Variants in HELZ observed in about 807,000 individuals in gnomAD.
HELZ encodes ATP-dependent RNA helicase with zinc finger domain.
In HELZ, 23 loss-of-function variants were observed where a neutral mutation model predicts 218.2. The observed-to-expected ratio is 0.11, with a 90% CI of 0.08 to 0.15. The LOEUF is 0.15. Among genes scored for constraint, HELZ ranks in the 10% least tolerant of loss-of-function variants. The pLI, the probability that HELZ is intolerant of heterozygous loss-of-function variation, is 1.00. For synonymous variants in HELZ, 814 were observed against 829.4 expected, an observed-to-expected ratio of 0.98 and a Z score of 0.32; for missense variants, 1,813 against 2,353.7, an observed-to-expected ratio of 0.77 and a Z score of 4.75.
chr17:67,095,806 A>G (rs995041127), intron 31 of HELZ, among the ~76,000 whole-genome samples: 2 of 152,206 alleles, frequency 1.3e-5, no homozygotes, highest in Non-Finnish European at 2.9e-5. Flanking sequence ...TTAGCAATAC[A>G]GTATATATTT....
chr17:67,111,068 A>G (rs1363562008), intron 28 of HELZ, among the ~76,000 whole-genome samples: 2 of 152,238 alleles, frequency 1.3e-5, no homozygotes, highest in African/African-American at 2.4e-5. Context: ...AAGGAAAAGT[A>G]TGGCAGATTC....
chr17:67,100,860 G>T (rs2036903714), intron 31 of HELZ, among the ~76,000 whole-genome samples: 1 of 152,086 alleles, frequency 6.6e-6, no homozygotes, highest in Admixed American at 6.6e-5. Flanking sequence ...CAGCACTTTG[G>T]GAGGCTGAGG....
chr17:67,128,200 CA>C (rs2037863655), intron 24 of HELZ, among the ~76,000 whole-genome samples: 1 of 152,168 alleles, frequency 6.6e-6, no homozygotes, highest in African/African-American at 2.4e-5. Context: ...TTTACTCTGT[CA>C]AATACCACCT....
chr17:67,222,150 C>G (rs2040764338), intron 3 of HELZ, among the ~76,000 whole-genome samples: 1 of 152,184 alleles, frequency 6.6e-6, no homozygotes, highest in Admixed American at 6.5e-5. Flanking sequence ...CTACATAAAG[C>G]TGAAATCACT....
intron 31 of HELZ, among the ~76,000 whole-genome samples, chr17:67,094,697 G>A (rs1387047227): frequency 6.6e-6 from 1 of 152,152 alleles, no homozygotes; most frequent in Non-Finnish European, 1.5e-5. Flanking sequence ...GGCTGAAGAG[G>A]GAGGATCATT....
intron 31 of HELZ, among the ~76,000 whole-genome samples, chr17:67,096,753 G>A (rs1047747884): frequency 5.9e-5 from 9 of 152,178 alleles, no homozygotes; most frequent in Admixed American, 2.6e-4. Flanking sequence ...TGGCTGGTTT[G>A]ATCTTCTAAC....
chr17:67,239,717 T>C (rs1343191583), intron 2 of HELZ: 3 of 152,246 alleles, frequency 2.0e-5, no homozygotes, highest in East Asian at 1.9e-4. Flanking sequence ...TGTGTGACCT[T>C]GAGCAACTCA....
intron 13 of HELZ, among the ~76,000 whole-genome samples, chr17:67,171,923 C>T (rs1834431919): frequency 6.6e-6 from 1 of 152,068 alleles, no homozygotes; most frequent in South Asian, 2.1e-4. Context: ...CCTCCACCTC[C>T]CGGGTTCAAG....
At chr17:67,154,299 T>G (rs2038774978) in intron 17 of HELZ, among the ~76,000 whole-genome samples, 1 of 152,050 alleles carries the variant, frequency 6.6e-6, no homozygotes, top group East Asian at 1.9e-4. Flanking sequence ...ATGGTGGCAA[T>G]GCACCTGTAG....
At chr17:67,128,437 G>A (rs9898605) in intron 24 of HELZ, 191,482 of 561,326 alleles carry the variant, frequency 0.34, 37,079 homozygotes, top group East Asian at 0.68. Context: ...ATTAAAAATT[G>A]TTTGAGAATG....
chr17:67,151,124 C>T lies in HELZ; in HGVS notation c.2278G>A (p.Glu760Lys). The stretch of plus-strand genomic sequence containing the variant: ...ACCACTCGATGTTTAAGAATATCTT[C>T]TTTCTGGGGCATCTGAAAGGTGGAA... ...AHSTFQMPQK[E>K]DILKHRVVVV... is the part of the protein sequence containing the mutation. Residue 760 changes from glutamate to lysine, a missense_variant, in exon 18 of 33, where the codon GAA (glutamate) becomes AAA (lysine). By Grantham distance (56) the Glu-to-Lys change is moderately conservative (BLOSUM62 1). Coordinates refer to ENST00000358691, the MANE Select transcript of HELZ (RefSeq NM_014877.4). The T allele has an allele frequency of 6.2e-7, 1 of 1,613,954 alleles. No individual in the cohort carries two copies. Among genetic ancestry groups the T allele is most frequent in the Non-Finnish European group, 8.5e-7 (1 of 1,179,862 alleles).
chr17:67,079,408 C>T lies in HELZ; in HGVS notation c.5495-822G>A, dbSNP rs77130893. ...TTGATTTAGAGTATTTCATAACTTACTTATGTAATGTCTCATTTTTAGAAA... is the reference window on the plus strand; with the variant it reads ...TTGATTTAGAGTATTTCATAACTTATTTATGTAATGTCTCATTTTTAGAAA... On this transcript the variant is annotated intron_variant, in intron 32 of 32. Coordinates refer to ENST00000358691, the MANE Select transcript of HELZ (RefSeq NM_014877.4). Among the ~76,000 whole-genome samples the T allele has an allele frequency of 4.3e-3, 658 of 152,252 alleles. 30 individuals are homozygous for T. In the East Asian group the frequency reaches 0.094, roughly 22 times the overall value.
At chr17:67,220,106 C>T (rs1402677424) in intron 3 of HELZ, among the ~76,000 whole-genome samples, 2 of 152,208 alleles carry the variant, frequency 1.3e-5, no homozygotes, top group African/African-American at 2.4e-5. Flanking sequence ...TTGTCCCTTC[C>T]GCCTGCCTCC....
intron 7 of HELZ, among the ~76,000 whole-genome samples, chr17:67,196,417 G>C (rs1019774350): frequency 6.6e-6 from 1 of 152,210 alleles, no homozygotes; most frequent in African/African-American, 2.4e-5. Context: ...TTACATGCTA[G>C]ATCGTTATCA....
chr17:67,202,313 T>G (rs552532830), intron 6 of HELZ, among the ~76,000 whole-genome samples: 2 of 152,202 alleles, frequency 1.3e-5, no homozygotes, highest in East Asian at 3.9e-4. Flanking sequence ...CTTTCAATTA[T>G]CTCAACCAAA....
At chr17:67,233,081 T>G (rs1345711287) in intron 3 of HELZ, among the ~76,000 whole-genome samples, 2 of 151,880 alleles carry the variant, frequency 1.3e-5, no homozygotes, top group East Asian at 3.9e-4. Context: ...TTGCAGTGAG[T>G]CGAGATCGAG....
intron 23 of HELZ, among the ~76,000 whole-genome samples, chr17:67,135,379 C>A (rs1223541801): frequency 6.6e-6 from 1 of 152,144 alleles, no homozygotes; most frequent in Non-Finnish European, 1.5e-5. Flanking sequence ...AAGACAAACA[C>A]ATGCATGAAA....
intron 14 of HELZ, 40 bp from the exon 15 acceptor site, chr17:67,166,648 C>T: frequency 6.2e-7 from 1 of 1,600,014 alleles, no homozygotes; most frequent in Non-Finnish European, 8.6e-7. Context: ...TGCATGAAAG[C>T]AAACATCAAT....
chr17:67,168,005 C>T (rs1182381656), intron 13 of HELZ, among the ~76,000 whole-genome samples: 3 of 151,488 alleles, frequency 2.0e-5, no homozygotes, highest in Non-Finnish European at 2.9e-5. Flanking sequence ...TTTTTTGAGA[C>T]GGAGTCTCAC....
Sources: gnomAD v4.1 joint callset for allele counts (sites outside exome capture counted in the v4.1 genomes callset) on GRCh38, gnomAD v4.1.1 for gene constraint, MANE v1.5 for transcripts, NCBI Gene and HGNC (gene_info 2026-07-23, HGNC 2026-07-21) for gene names.